The following FAM184A variants were observed in gnomAD, a reference collection of about 807,000 sequenced individuals.
FAM184A encodes the protein protein FAM184A.
FAM184A carries 99 observed loss-of-function variants against 143.8 expected under a neutral mutation model. That is an observed-to-expected ratio of 0.69 (90% CI 0.58 to 0.81). The LOEUF is 0.81. Among genes scored for constraint, FAM184A ranks in the 40% least tolerant of loss-of-function variants. FAM184A has a pLI of 0.00. For missense variants in FAM184A, 1,217 were observed against 1,310.5 expected, an observed-to-expected ratio of 0.93 and a Z score of 1.10; for synonymous variants, 427 against 446.4, an observed-to-expected ratio of 0.96 and a Z score of 0.55.
chr6:119,033,093 T>A (rs61303401), intron 1 of FAM184A, among the ~76,000 whole-genome samples: 5,913 of 152,212 alleles, frequency 0.039, 250 homozygotes, highest in African/African-American at 0.11. Flanking sequence ...ATTAAAAAAA[T>A]TATTAAATAT....
At chr6:118,960,279 A>C in intron 17 of FAM184A, 95 bp from the exon 18 acceptor site, 3 of 938,050 alleles carry the variant, frequency 3.2e-6, no homozygotes, top group Non-Finnish European at 4.9e-6. Context: ...GATTACCACA[A>C]CGGGTTCCCC....
chr6:119,088,907 A>C lies in FAM184A; in HGVS notation c.-202+60171T>G, dbSNP rs371632279. 2.0e-4 allele frequency among the ~76,000 whole-genome samples: 30 copies of C among 152,354 alleles called. No homozygotes were observed. In the East Asian group the frequency reaches 5.6e-3, roughly 28 times the overall value. On this transcript the variant is annotated intron_variant, in intron 1 of 16. Transcript: ENST00000352896. ...GCAAGTTTCCATGTATAATGAAAAG[A>C]GAATCAGAATCTTGGTTGGTATTCT... is the stretch of plus-strand genomic sequence containing the variant.
At chr6:119,062,194 T>A (rs1342243151) in intron 1 of FAM184A, among the ~76,000 whole-genome samples, 1 of 152,082 alleles carries the variant, frequency 6.6e-6, no homozygotes, top group Admixed American at 6.6e-5. Flanking sequence ...AGCCTCAGAG[T>A]TTTTTGGTAA....
intron 14 of FAM184A, among the ~76,000 whole-genome samples, chr6:118,970,008 A>ATATATATATATATATATATTTTTTTTT: frequency 2.3e-3 from 44 of 18,934 alleles, no homozygotes; most frequent in Non-Finnish European, 4.5e-3. Context: ...ATATATATAT[A>ATATATATATATATATATATTTTTTTTT]TTTTTTTTTT....
chr6:119,017,940 A>G (rs1003934274), intron 4 of FAM184A, among the ~76,000 whole-genome samples: 1 of 152,192 alleles, frequency 6.6e-6, no homozygotes, highest in African/African-American at 2.4e-5. Context: ...GTCCTGTGAC[A>G]TGCTGGCTCC....
Position 119,006,084 on chromosome 6 carries a change from T to C in FAM184A, c.1815+363A>G, listed in dbSNP as rs759177899. ...CAAACTGGAGTAGAATGAGCCCTTG[T>C]TCCAATATGCCTGGTATCCTTTTAA... On this transcript the variant is annotated intron_variant, in intron 7 of 17. Coordinates refer to ENST00000338891, the MANE Select transcript of FAM184A (RefSeq NM_024581.6). The C allele has an allele frequency of 2.6e-5, 20 of 765,078 alleles. No individual in the cohort carries two copies. The South Asian group carries it at 2.7e-4, about 10-fold the overall frequency. 47.4% of individuals were successfully genotyped at this position (765,078 alleles called of 1,614,324 possible).
chr6:119,032,327 T>A (rs919513192), intron 1 of FAM184A, among the ~76,000 whole-genome samples: 2 of 151,956 alleles, frequency 1.3e-5, no homozygotes, highest in Non-Finnish European at 2.9e-5. Flanking sequence ...GATTTCAGTA[T>A]TTCTACACAT....
chr6:119,007,539 T>C (rs1402377384), intron 6 of FAM184A, among the ~76,000 whole-genome samples: 1 of 152,078 alleles, frequency 6.6e-6, no homozygotes, highest in African/African-American at 2.4e-5. Flanking sequence ...CATAAGATAA[T>C]TAGGGGAGCT....
Position 119,078,196 on chromosome 6 carries a change from T to G in FAM184A, c.104A>C (p.Asp35Ala), listed in dbSNP as rs1404065687. ...ATAQLAGHSMDYSQEMHLKMS... is the reference protein window; with the variant it reads ...ATAQLAGHSMAYSQEMHLKMS... ...TTTCAGGTGCATCTCCTGGCTGTAG[T>G]CCATGCTGTGCCCAGCCAGCTGTGC... The change falls in exon 1 of 18, where the codon GAC becomes GCC. Residue 35 changes from aspartate (D) to alanine (A), a missense_variant. Coordinates refer to ENST00000338891, the MANE Select transcript of FAM184A (RefSeq NM_024581.6). This position sits in a 1 kb window ranked among gnomAD's most constrained non-coding sequence, Gnocchi z 5.5. 1 of 1,582,502 alleles carries G rather than the reference T, an allele frequency of 6.3e-7. No homozygotes were observed. The highest frequency in any genetic ancestry group is 8.6e-7 in the Non-Finnish European group (1 of 1,166,750).
At chr6:118,992,000 G>A (rs1432110960) in intron 9 of FAM184A, among the ~76,000 whole-genome samples, 1 of 151,552 alleles carries the variant, frequency 6.6e-6, no homozygotes, top group Non-Finnish European at 1.5e-5. Context: ...TCCTGACCTC[G>A]TGATCCGCCT....
chr6:118,961,992 A>G (rs772705480), intron 16 of FAM184A, 29 bp from the exon 17 acceptor site: 9 of 1,597,552 alleles, frequency 5.6e-6, no homozygotes, highest in Non-Finnish European at 7.7e-6. Context: ...ATGTGAGGAT[A>G]GTCCCTGCAT....
rs941039093 is a variant in FAM184A at position 118,979,472 on chromosome 6, G to A, written c.2348C>T (p.Ser783Leu). ...LQQKHSAELQ[S>L]LKDAHRESME... ...TGACTCTCTGTGTGCATCTTTTAGT[G>A]ATTGAAGCTCTGCAGAATGCTTCTG... Residue 783 changes from serine to leucine, a missense_variant, in exon 11 of 18, where the codon TCA (serine) becomes TTA (leucine). Transcript: ENST00000338891. 1 of 1,613,438 alleles carries A rather than the reference G, an allele frequency of 6.2e-7. No homozygotes were observed. The highest frequency in any genetic ancestry group is 1.3e-5 in the African/African-American group (1 of 74,880).
intron 1 of FAM184A, among the ~76,000 whole-genome samples, chr6:119,109,444 A>G (rs1331092346): frequency 4.6e-5 from 7 of 151,984 alleles, no homozygotes; most frequent in Non-Finnish European, 1.0e-4. Context: ...CAAGTCTTTC[A>G]TTTCACTTTT....
chr6:119,088,049 G>A (rs911969165), intron 1 of FAM184A, among the ~76,000 whole-genome samples: 7 of 152,142 alleles, frequency 4.6e-5, no homozygotes, highest in African/African-American at 1.7e-4. Flanking sequence ...AATTCATAGA[G>A]ACAGAAAGTA....
At chr6:119,031,232 C>A (rs184962797) in intron 1 of FAM184A, among the ~76,000 whole-genome samples, 25 of 152,238 alleles carry the variant, frequency 1.6e-4, no homozygotes, top group Non-Finnish European at 2.9e-4. Context: ...AAATTGCCTA[C>A]CTCAAAAATT....
rs1783333497 is a variant in FAM184A at position 118,961,778 on chromosome 6, C to T, written c.3324G>A (p.Gly1108=). The change falls in exon 17 of 18, where the codon GGG becomes GGA. Residue 1108 remains glycine, a synonymous_variant. Coordinates refer to ENST00000338891, the MANE Select transcript of FAM184A (RefSeq NM_024581.6). Reference sequence around the variant, plus strand: ...GGTCTCACCTCAAAAATGTCTTGGGCCCTTTAGGTGGCACTGGCTGTGGAA... The same window carrying T: ...GGTCTCACCTCAAAAATGTCTTGGGTCCTTTAGGTGGCACTGGCTGTGGAA... ...KPLPQPVPPK[G]PKTFLSPAQS... is the part of the protein sequence containing the mutation. 1.9e-6 allele frequency: 3 copies of T among 1,613,434 alleles called. No individual in the cohort carries two copies. In the African/African-American group the frequency reaches 4.0e-5, roughly 22 times the overall value.
intron 1 of FAM184A, among the ~76,000 whole-genome samples, chr6:119,117,598 C>G (rs1009512541): frequency 1.8e-4 from 28 of 152,200 alleles, no homozygotes; most frequent in Admixed American, 6.5e-5. Context: ...GAGGTAAGAC[C>G]TGCTTCTTAC....
intron 14 of FAM184A, among the ~76,000 whole-genome samples, chr6:118,971,888 A>G (rs915730433): frequency 2.6e-5 from 4 of 152,166 alleles, no homozygotes; most frequent in Non-Finnish European, 4.4e-5. Flanking sequence ...TCTGCCCCCA[A>G]GCTTCCTCAG....
rs143437411 is a variant in FAM184A, at chr6:119,140,727, A to G, written c.-202+8351T>C. 8.8e-3 allele frequency among the ~76,000 whole-genome samples: 1,339 copies of G among 151,656 alleles called. 11 individuals carry two copies. Among genetic ancestry groups the G allele is most frequent in the Middle Eastern group, 0.02 (6 of 294 alleles). On this transcript the variant is annotated intron_variant, in intron 1 of 16. Coordinates refer to the FAM184A transcript ENST00000352896. ...CCAGAAATTGAGTCTCCTTTCCCAC[A>G]CTCCAAGCAGGAAAACCGGTGAAAG...
Sources: gnomAD v4.1 joint callset for allele counts (sites outside exome capture counted in the v4.1 genomes callset) on GRCh38, gnomAD v4.1.1 for gene constraint, Gnocchi (gnomAD v3.1) non-coding constraint, MANE v1.5 for transcripts, NCBI Gene and HGNC (gene_info 2026-07-23, HGNC 2026-07-21) for gene names.